The following BRINP3 variants were observed in gnomAD, a reference collection of about 807,000 sequenced individuals.
BRINP3 encodes BMP/retinoic acid-inducible neural-specific protein 3.
BRINP3 carries 19 observed loss-of-function variants against 71.0 expected under a neutral mutation model. The observed-to-expected ratio is 0.27, with a 90% confidence interval of 0.19 to 0.39. The LOEUF is 0.39. BRINP3 is among the 10% of genes least tolerant of loss of function. BRINP3 has a pLI of 1.00. For missense variants in BRINP3, 959 were observed against 940.8 expected, an observed-to-expected ratio of 1.02 and a Z score of -0.25; for synonymous variants, 380 against 337.7, an observed-to-expected ratio of 1.13 and a Z score of -1.37.
At chr1:190,299,516 C>T (rs531016418) in intron 2 of BRINP3, among the ~76,000 whole-genome samples, 90 of 151,692 alleles carry the variant, frequency 5.9e-4, no homozygotes, top group African/African-American at 1.9e-3. Context: ...ATGTGCCATG[C>T]TGGTGCGCTG....
chr1:190,272,086 A>G (rs1662157665), intron 3 of BRINP3, among the ~76,000 whole-genome samples: 1 of 151,570 alleles, frequency 6.6e-6, no homozygotes, highest in Admixed American at 6.6e-5. Flanking sequence ...TTCATTTCCT[A>G]TCTACAGGAG....
intron 6 of BRINP3, among the ~76,000 whole-genome samples, chr1:190,219,247 A>G (rs573574048): frequency 3.3e-5 from 5 of 152,210 alleles, no homozygotes; most frequent in Non-Finnish European, 7.4e-5. Flanking sequence ...ACCTCCTCAA[A>G]AAGACAGAAC....
At chr1:190,154,461 A>C (rs1656689964) in intron 7 of BRINP3, among the ~76,000 whole-genome samples, 1 of 152,166 alleles carries the variant, frequency 6.6e-6, no homozygotes, top group Non-Finnish European at 1.5e-5. Context: ...TTTTCATAGA[A>C]ATAAATAAGA....
intron 2 of BRINP3, among the ~76,000 whole-genome samples, chr1:190,345,901 A>G (rs1359115346): frequency 6.6e-6 from 1 of 151,914 alleles, no homozygotes; most frequent in Non-Finnish European, 1.5e-5. Flanking sequence ...AGAAAGATGC[A>G]TCCTCTCTGT....
intron 6 of BRINP3, among the ~76,000 whole-genome samples, chr1:190,182,883 C>A (rs1653151819): frequency 6.6e-6 from 1 of 152,110 alleles, no homozygotes; most frequent in Non-Finnish European, 1.5e-5. Flanking sequence ...GGATACACTT[C>A]TTCCTTTGGC....
chr1:190,338,348 G>A (rs1489771973), intron 2 of BRINP3, among the ~76,000 whole-genome samples: 1 of 151,982 alleles, frequency 6.6e-6, no homozygotes, highest in Non-Finnish European at 1.5e-5. Flanking sequence ...CTTGGATATT[G>A]AAAGAAATGT....
At chr1:190,353,491 T>A (rs987809777) in intron 2 of BRINP3, among the ~76,000 whole-genome samples, 1 of 152,066 alleles carries the variant, frequency 6.6e-6, no homozygotes, top group African/African-American at 2.4e-5. Flanking sequence ...TAGAGAATAA[T>A]CTTGAGGACT....
intron 2 of BRINP3, among the ~76,000 whole-genome samples, chr1:190,372,890 T>A (rs1025233218): frequency 7.2e-5 from 11 of 152,106 alleles, no homozygotes; most frequent in African/African-American, 2.7e-4. Context: ...TGTAGTAATA[T>A]CAACAAAAAA....
chr1:190,279,886 G>C (rs1662906324), intron 3 of BRINP3, among the ~76,000 whole-genome samples: 1 of 151,716 alleles, frequency 6.6e-6, no homozygotes, highest in Non-Finnish European at 1.5e-5. Flanking sequence ...CATATATCTA[G>C]TTATTTGGAT....
At chr1:190,145,759 A>T (rs1228952676) in intron 7 of BRINP3, among the ~76,000 whole-genome samples, 1 of 152,230 alleles carries the variant, frequency 6.6e-6, no homozygotes, top group Non-Finnish European at 1.5e-5. Context: ...AACTGCAAAG[A>T]TATGAAACCA....
At position 190,302,278 on chromosome 1, in the gene BRINP3, G is replaced by T. The variant is rs1419324698; in HGVS notation, c.237-20528C>A. 3.4e-5 allele frequency among the ~76,000 whole-genome samples: 5 copies of T among 146,560 alleles called. No individual in the cohort carries two copies. In the East Asian group the frequency reaches 9.8e-4, roughly 29 times the overall value. On this transcript the variant is annotated intron_variant, in intron 2 of 7. Coordinates refer to ENST00000367462, the MANE Select transcript of BRINP3 (RefSeq NM_199051.3). ...ATATATATTTTATATATATATAAAT[G>T]TATATATATATATTTTAAGTGATGG...
intron 2 of BRINP3, among the ~76,000 whole-genome samples, chr1:190,294,441 A>G (rs1458867379): frequency 6.6e-6 from 1 of 151,772 alleles, no homozygotes; most frequent in African/African-American, 2.4e-5. Flanking sequence ...TTGTAGAGAT[A>G]GGGTCTCACT....
At chr1:190,221,449 T>G (rs1272596346) in intron 6 of BRINP3, among the ~76,000 whole-genome samples, 2 of 151,982 alleles carry the variant, frequency 1.3e-5, no homozygotes, top group Non-Finnish European at 2.9e-5. Context: ...AGCAACAAAT[T>G]AAAACACACT....
intron 6 of BRINP3, among the ~76,000 whole-genome samples, chr1:190,213,395 G>A (rs1029887259): frequency 1.3e-5 from 2 of 152,028 alleles, no homozygotes; most frequent in African/African-American, 4.8e-5. Context: ...TTCAAGGTGT[G>A]CTTCTGTGGA....
At chr1:190,123,715 C>A (rs1653867129) in intron 7 of BRINP3, among the ~76,000 whole-genome samples, 1 of 151,994 alleles carries the variant, frequency 6.6e-6, no homozygotes. Flanking sequence ...ATCATTCAGC[C>A]AAAAGGAAAA....
chr1:190,431,864 T>C (rs1674121297), intron 2 of BRINP3, among the ~76,000 whole-genome samples: 1 of 152,138 alleles, frequency 6.6e-6, no homozygotes, highest in Non-Finnish European at 1.5e-5. Flanking sequence ...GTCTGCAATA[T>C]GATGCATTTT....
intron 2 of BRINP3, among the ~76,000 whole-genome samples, chr1:190,291,849 T>A (rs1663893884): frequency 6.6e-6 from 1 of 152,166 alleles, no homozygotes; most frequent in South Asian, 2.1e-4. Context: ...CACTTCCATG[T>A]TTATTGCAGC....
chr1:190,472,538 A>T (rs538747826), intron 1 of BRINP3, among the ~76,000 whole-genome samples: 2 of 151,868 alleles, frequency 1.3e-5, no homozygotes, highest in African/African-American at 4.8e-5. Context: ...CTCTTTTAAT[A>T]TTAATATGCA....
intron 2 of BRINP3, among the ~76,000 whole-genome samples, chr1:190,316,623 C>T (rs905779354): frequency 5.3e-5 from 8 of 152,084 alleles, no homozygotes; most frequent in African/African-American, 1.9e-4. Flanking sequence ...AATTTTCACA[C>T]ATTCTGACAG....
Sources: allele counts gnomAD v4.1 joint callset (sites outside exome capture counted in the v4.1 genomes callset), GRCh38; gene constraint gnomAD v4.1.1; transcripts MANE v1.5; gene names NCBI Gene and HGNC (gene_info 2026-07-23, HGNC 2026-07-21).